SEC16B: variants seen among roughly 807,000 people sequenced by gnomAD.
The protein encoded by SEC16B is protein transport protein Sec16B.
Under a neutral mutation model 141.8 loss-of-function variants are expected in SEC16B, and 115 were observed. That is an observed-to-expected ratio of 0.81 (90% CI 0.70 to 0.95). SEC16B has a LOEUF of 0.95. SEC16B is among the 40% of genes least tolerant of loss of function. The probability of loss-of-function intolerance (pLI) is 0.00; values close to 1 mark genes in which losing one functional copy is unlikely to be tolerated. For missense variants in SEC16B, 1,291 were observed against 1,312.3 expected (o/e 0.98, Z 0.25); for synonymous variants, 493 against 492.5 (o/e 1.00, Z -0.01).
chr1:177,961,461 T>C, intron 6 of SEC16B, 129 bp downstream of exon 6: 1 of 947,786 alleles, frequency 1.1e-6, no homozygotes, highest in South Asian at 1.8e-5. Flanking sequence ...TTGACCTCTC[T>C]GCCCAGGTGA....
At chr1:177,977,685 TC>T (rs1170922947) in intron 1 of SEC16B, among the ~76,000 whole-genome samples, 1 of 152,186 alleles carries the variant, frequency 6.6e-6, no homozygotes. Flanking sequence ...TCTGCTCCTC[TC>T]TGGGTACAGA....
intron 19 of SEC16B, 105 bp from the exon 20 acceptor site, chr1:177,936,470 A>C (rs1650851956): frequency 2.0e-6 from 2 of 987,874 alleles, no homozygotes; most frequent in Non-Finnish European, 3.1e-6. Context: ...ACTGCAGCAG[A>C]AGCTCGGAGC....
chr1:177,959,187 C>T, intron 8 of SEC16B: 2 of 584,398 alleles, frequency 3.4e-6, no homozygotes, highest in Non-Finnish European at 3.1e-6. Context: ...CATGCACCCC[C>T]TTTATAGATG....
At position 177,928,982 on chromosome 1, in the gene SEC16B, C is replaced by T. The variant is rs370306843; in HGVS notation, c.*876G>A. 1 of 152,532 alleles carries T rather than the reference C, an allele frequency of 6.6e-6. No individual in the cohort carries two copies. 9.4% of individuals were successfully genotyped at this position (152,532 alleles called of 1,614,324 possible). A position where few individuals can be genotyped will look rare whatever the true frequency, so the allele number is the denominator to read the frequency against. On this transcript the variant is annotated 3_prime_UTR_variant, in exon 26 of 26. Coordinates refer to ENST00000308284, the MANE Select transcript of SEC16B (RefSeq NM_033127.4). ...AAGAGAAATGGAAATTTCCAAGACG[C>T]CCCCCTCCTCCCTCTCACTCCAGTG...
intron 7 of SEC16B, 94 bp downstream of exon 7, chr1:177,960,697 G>T: frequency 1.5e-6 from 2 of 1,363,236 alleles, no homozygotes; most frequent in Non-Finnish European, 2.0e-6. Flanking sequence ...TCCTGGAGAT[G>T]CCCCGGCTCA....
intron 19 of SEC16B, 128 bp downstream of exon 19, chr1:177,937,086 A>G: frequency 9.8e-7 from 1 of 1,017,488 alleles, no homozygotes; most frequent in South Asian, 1.7e-5. Context: ...ACGGGCACAC[A>G]TCCACGCATC....
intron 15 of SEC16B, among the ~76,000 whole-genome samples, chr1:177,943,980 T>G (rs1651476969): frequency 1.3e-5 from 2 of 152,188 alleles, no homozygotes; most frequent in Non-Finnish European, 1.5e-5. Context: ...ATGTCAGCAC[T>G]GGTCTTTACG....
At chr1:177,961,462 G>T in intron 6 of SEC16B, 128 bp downstream of exon 6, 1 of 956,438 alleles carries the variant, frequency 1.0e-6, no homozygotes, top group Non-Finnish European at 1.5e-6. Flanking sequence ...TGACCTCTCT[G>T]CCCAGGTGAC....
Position 177,929,547 on chromosome 1 carries a change from T to G in SEC16B, c.*311A>C. 1 of 350,934 alleles carries G rather than the reference T, an allele frequency of 2.8e-6. No individual in the cohort carries two copies. Among genetic ancestry groups the G allele is most frequent in the Admixed American group, 4.3e-5 (1 of 23,162 alleles). 21.7% of individuals were successfully genotyped at this position (350,934 alleles called of 1,614,324 possible). ...GATTCTAGCTGTTAGGGCCCTAATT[T>G]CCCCAAGGCTCTCAAGCCACCACCA... On this transcript the variant is annotated 3_prime_UTR_variant, in exon 26 of 26. Transcript: ENST00000308284.
intron 25 of SEC16B, 21 bp downstream of exon 25, chr1:177,930,524 T>TC (rs1650337018): frequency 1.3e-6 from 2 of 1,566,222 alleles, no homozygotes; most frequent in South Asian, 2.2e-5. Context: ...GGCCAGCCCC[T>TC]CCCCCTGAGG....
chr1:177,958,403 T>C, intron 9 of SEC16B, 41 bp from the exon 10 acceptor site: 4 of 1,459,100 alleles, frequency 2.7e-6, no homozygotes, highest in Non-Finnish European at 3.6e-6. Flanking sequence ...ATCCTATGAG[T>C]CCTCAGGCTG....
rs997723835 is a variant in SEC16B, at chr1:177,964,081, C to T, written c.642+90G>A. The stretch of plus-strand genomic sequence containing the variant: ...CTCCAGACGGCTGGCCACTGGACAT[C>T]CATCCCCAAGGGCCCTGTTCTGCCA... On this transcript the variant is annotated intron_variant, in intron 5 of 25. Coordinates refer to ENST00000308284, the MANE Select transcript of SEC16B (RefSeq NM_033127.4). 5.7e-6 allele frequency: 5 copies of T among 871,404 alleles called. No homozygotes were observed. The African/African-American group carries it at 8.6e-5, about 15-fold the overall frequency. The allele number at this position is 871,404 out of a possible 1,614,324, so 54.0% of individuals were successfully genotyped here.
chr1:177,967,902 A>C lies in SEC16B; in HGVS notation c.80T>G (p.Phe27Cys). ...AGGCCGATGATGTCCATCTCTCCGA[A>C]ACCCTCGGTCTGGATCCTTTGAGGG... ...TAPSKDPDRG[F>C]RRDGHHRPVP... Residue 27 changes from phenylalanine (F) to cysteine (C), a missense_variant, in exon 2 of 26, where the codon TTT becomes TGT. Physicochemically the swap from Phe to Cys is radical, Grantham distance 205. Coordinates refer to ENST00000308284, the MANE Select transcript of SEC16B (RefSeq NM_033127.4). 6.2e-7 allele frequency: 1 copy of C among 1,613,900 alleles called. No homozygotes were observed. The highest frequency in any genetic ancestry group is 8.5e-7 in the Non-Finnish European group (1 of 1,179,852).
intron 11 of SEC16B, 21 bp from the exon 12 acceptor site, chr1:177,952,016 A>C (rs1407649942): frequency 6.3e-7 from 1 of 1,579,882 alleles, no homozygotes; most frequent in East Asian, 2.3e-5. Context: ...AAGGATAGTC[A>C]GCGAGGACCA....
Position 177,933,479 on chromosome 1 carries a change from T to C in SEC16B, c.2724+5A>G. ...GGCAGGGGAGAGAAGAACAAGTCCCTCCACCTTTGTATGCTCCTTCCCATC... is the reference window on the plus strand; with the variant it reads ...GGCAGGGGAGAGAAGAACAAGTCCCCCCACCTTTGTATGCTCCTTCCCATC... On this transcript the variant is annotated splice_donor_5th_base_variant and intron_variant, in intron 21 of 25. Coordinates refer to ENST00000308284, the MANE Select transcript of SEC16B (RefSeq NM_033127.4). 6.2e-7 allele frequency: 1 copy of C among 1,611,920 alleles called. No individual in the cohort carries two copies. Among genetic ancestry groups the C allele is most frequent in the African/African-American group, 1.3e-5 (1 of 75,000 alleles).
chr1:177,975,837 A>G (rs11588515), intron 1 of SEC16B, among the ~76,000 whole-genome samples: 21,027 of 152,198 alleles, frequency 0.14, 1,808 homozygotes, highest in East Asian at 0.42. Context: ...TGGAACTCTC[A>G]TGGCCTCAGC....
At chr1:177,979,638 G>A (rs1426966534) in intron 1 of SEC16B, among the ~76,000 whole-genome samples, 1 of 152,206 alleles carries the variant, frequency 6.6e-6, no homozygotes, top group African/African-American at 2.4e-5. Context: ...TTTTCTAAGT[G>A]TATTAGTCCA....
intron 8 of SEC16B, chr1:177,959,952 T>C (rs1419859690): frequency 4.2e-6 from 1 of 236,618 alleles, no homozygotes; most frequent in Non-Finnish European, 8.3e-6. Context: ...CTTATTTACC[T>C]CTCCAGGAAA....
intron 10 of SEC16B, 71 bp from the exon 11 acceptor site, chr1:177,954,447 C>T: frequency 8.1e-7 from 1 of 1,230,714 alleles, no homozygotes; most frequent in Non-Finnish European, 1.2e-6. Context: ...TGCTTAGGTG[C>T]TGCTGCATCC....
Sources: allele counts gnomAD v4.1 joint callset (sites outside exome capture counted in the v4.1 genomes callset), GRCh38; gene constraint gnomAD v4.1.1; transcripts MANE v1.5; gene names NCBI Gene and HGNC (gene_info 2026-07-23, HGNC 2026-07-21).